ZCCHC2: variants seen among roughly 807,000 people sequenced by gnomAD.
ZCCHC2 encodes the protein zinc finger CCHC domain-containing protein 2.
ZCCHC2 carries 39 observed loss-of-function variants against 103.6 expected under a neutral mutation model. The ratio of observed to expected loss-of-function variants is 0.38; its 90% CI spans 0.29 to 0.49. The LOEUF is 0.49. ZCCHC2 is among the 20% of genes least tolerant of loss of function. The pLI is 0.96. For synonymous variants in ZCCHC2, 687 were observed against 608.9 expected (o/e 1.13, Z -1.89); for missense variants, 1,483 against 1,491.0 (o/e 0.99, Z 0.09).
intron 1 of ZCCHC2, among the ~76,000 whole-genome samples, chr18:62,534,497 T>C (rs1328637110): frequency 6.6e-6 from 1 of 152,198 alleles, no homozygotes; most frequent in Non-Finnish European, 1.5e-5. Context: ...ATCTCCAGTT[T>C]ATGATCTACT....
intron 1 of ZCCHC2, among the ~76,000 whole-genome samples, chr18:62,535,446 G>A (rs554985732): frequency 1.3e-5 from 2 of 152,286 alleles, no homozygotes; most frequent in African/African-American, 4.8e-5. Context: ...GTAAAACAAT[G>A]ACCATTTTAT....
intron 1 of ZCCHC2, among the ~76,000 whole-genome samples, chr18:62,532,451 C>T (rs1914725745): frequency 6.6e-6 from 1 of 152,202 alleles, no homozygotes; most frequent in Non-Finnish European, 1.5e-5. Context: ...AATACTACTA[C>T]CAGATACACC....
intron 8 of ZCCHC2, 83 bp downstream of exon 8, chr18:62,560,727 T>A (rs1916082023): frequency 8.9e-6 from 10 of 1,124,166 alleles, no homozygotes; most frequent in Non-Finnish European, 1.2e-5. Flanking sequence ...CTGATGTATT[T>A]GGCTATAATT....
intron 12 of ZCCHC2, among the ~76,000 whole-genome samples, chr18:62,570,882 T>G (rs1455924016): frequency 1.3e-5 from 2 of 152,242 alleles, no homozygotes; most frequent in African/African-American, 4.8e-5. Context: ...TCTCTGTGTA[T>G]TATGTCTTCA....
chr18:62,539,943 A>G (rs1289410534), intron 2 of ZCCHC2, among the ~76,000 whole-genome samples, 151 bp downstream of exon 2: 1 of 152,116 alleles, frequency 6.6e-6, no homozygotes, highest in African/African-American at 2.4e-5. Context: ...CAGTCCTCCT[A>G]GTTCTGCCAT....
chr18:62,563,194 T>TAAAAA, intron 9 of ZCCHC2, 50 bp downstream of exon 9: 1 of 1,560,230 alleles, frequency 6.4e-7, no homozygotes, highest in Admixed American at 1.9e-5. Flanking sequence ...ATTGCTCCTC[T>TAAAAA]ATAAGAAAAA....
Position 62,524,096 on chromosome 18 carries a change from C to G in ZCCHC2, c.672C>G (p.Asp224Glu), listed in dbSNP as rs1318979882. 2 of 1,518,972 alleles carry G rather than the reference C, an allele frequency of 1.3e-6. No homozygotes were observed. The highest frequency in any genetic ancestry group is 1.8e-6 in the Non-Finnish European group (2 of 1,138,974). The allele number at this position is 1,518,972 out of a possible 1,614,324, so 94.1% of individuals were successfully genotyped here. Residue 224 changes from aspartate (D) to glutamate (E), a missense_variant, in exon 1 of 14, where the codon GAC becomes GAG. Physicochemically the swap from Asp to Glu is conservative, Grantham distance 45. Around this residue, in one of 3 missense-constraint regions of ZCCHC2, gnomAD observed 568 missense variants for 525.1 expected, o/e 1.08. Transcript: ENST00000269499. ...RGGAEDERGEDGDGEQDAEKD... is the reference protein window; with the variant it reads ...RGGAEDERGEEGDGEQDAEKD... Reference sequence around the variant, plus strand: ...GCGCGGAGGACGAGCGCGGCGAGGACGGCGACGGCGAGCAGGACGCCGAGA... The same window carrying G: ...GCGCGGAGGACGAGCGCGGCGAGGAGGGCGACGGCGAGCAGGACGCCGAGA...
chr18:62,542,036 G>A (rs1915212543), intron 2 of ZCCHC2, among the ~76,000 whole-genome samples: 1 of 151,900 alleles, frequency 6.6e-6, no homozygotes, highest in Admixed American at 6.6e-5. Flanking sequence ...CTTTTGAGTA[G>A]TTTTTTAAAA....
At position 62,550,429 on chromosome 18, in the gene ZCCHC2, C is replaced by T. The variant is rs376826033; in HGVS notation, c.1282C>T (p.Arg428Trp). ...LNQGSLKREE[R>W]RHPDLEPILR... ...TCAGGGTTCCTTGAAAAGGGAGGAACGGCGACATCCTGACCTAGAGCCCAT... is the reference window on the plus strand; with the variant it reads ...TCAGGGTTCCTTGAAAAGGGAGGAATGGCGACATCCTGACCTAGAGCCCAT... The change falls in exon 5 of 14, where the codon CGG becomes TGG. Residue 428 changes from arginine to tryptophan, a missense_variant. Arg to Trp is a moderately radical substitution (Grantham distance 101). Transcript: ENST00000269499. The T allele has an allele frequency of 1.8e-4, 297 of 1,613,428 alleles. No individual in the cohort carries two copies. Among genetic ancestry groups the T allele is most frequent in the Non-Finnish European group, 1.4e-4 (164 of 1,179,706 alleles).
intron 1 of ZCCHC2, among the ~76,000 whole-genome samples, chr18:62,527,613 C>T (rs1914492493): frequency 6.6e-6 from 1 of 152,150 alleles, no homozygotes; most frequent in Non-Finnish European, 1.5e-5. Flanking sequence ...TCACATTCCT[C>T]ACACAACTGC....
At chr18:62,524,495 T>TGG in intron 1 of ZCCHC2, 132 bp downstream of exon 1, 1 of 1,341,344 alleles carries the variant, frequency 7.5e-7, no homozygotes, top group South Asian at 1.6e-5. Flanking sequence ...ACCCGGCAGC[T>TGG]CCCAGCGCCA....
chr18:62,524,181 T>C lies in ZCCHC2; in HGVS notation c.757T>C (p.Ser253Pro). 5.8e-6 allele frequency: 9 copies of C among 1,548,252 alleles called. No individual in the cohort carries two copies. Among genetic ancestry groups the C allele is most frequent in the Non-Finnish European group, 7.9e-6 (9 of 1,146,264 alleles). Residue 253 changes from serine (S) to proline (P), a missense_variant, in exon 1 of 14, where the codon TCC becomes CCC. Physicochemically the swap from Ser to Pro is moderately conservative, Grantham distance 74 (BLOSUM62 -1). This residue lies in a region of ZCCHC2 where 568 missense variants were observed against 525.1 expected (regional missense o/e 1.08). Transcript: ENST00000269499. ...VEPRVGGGLG[S>P]RAQEELLLLF... ...GCCCCGGGTCGGCGGCGGGCTTGGCTCCAGGGCCCAGGAGGAACTGCTGCT... is the reference window on the plus strand; with the variant it reads ...GCCCCGGGTCGGCGGCGGGCTTGGCCCCAGGGCCCAGGAGGAACTGCTGCT...
intron 13 of ZCCHC2, among the ~76,000 whole-genome samples, chr18:62,575,970 C>A (rs1916825393): frequency 1.3e-5 from 2 of 151,250 alleles, no homozygotes; most frequent in Admixed American, 6.6e-5. Flanking sequence ...AGTATATCTG[C>A]ATAACCAGCT....
intron 6 of ZCCHC2, among the ~76,000 whole-genome samples, chr18:62,557,845 G>A (rs1915960432): frequency 6.6e-6 from 1 of 152,192 alleles, no homozygotes; most frequent in Non-Finnish European, 1.5e-5. Flanking sequence ...TAAATTACAT[G>A]AGCAGTGCTA....
rs1261052645 is a variant in ZCCHC2 at position 62,558,697 on chromosome 18, A to G, written c.1419A>G (p.Gln473=). Residue 473 remains glutamine, a synonymous_variant, in exon 7 of 14, where the codon CAA becomes CAG. Coordinates refer to ENST00000269499, the MANE Select transcript of ZCCHC2 (RefSeq NM_017742.6). The stretch of plus-strand genomic sequence containing the variant: ...GAATGCTTCCTGCAGATAACTTACA[A>G]TCCTCTCTGAAGACTTCTAAGATAT... ...SDSLHSINNL[Q]SSLKTSKILE... is the part of the protein sequence containing the mutation. 7.2e-6 allele frequency: 11 copies of G among 1,526,972 alleles called. No individual in the cohort carries two copies. The South Asian group carries it at 8.9e-5, about 12-fold the overall frequency. The allele number at this position is 1,526,972 out of a possible 1,614,324, so 94.6% of individuals were successfully genotyped here.
downstream of ZCCHC2, among the ~76,000 whole-genome samples, chr18:62,579,574 G>A (rs1386298460): frequency 3.3e-5 from 5 of 152,106 alleles, no homozygotes; most frequent in Non-Finnish European, 7.3e-5. Flanking sequence ...ACCAACTTTC[G>A]TTTTCAGCCA....
chr18:62,567,525 C>G (rs1393640553), intron 11 of ZCCHC2, among the ~76,000 whole-genome samples: 1 of 152,206 alleles, frequency 6.6e-6, no homozygotes, highest in East Asian at 1.9e-4. Context: ...TGTGCTGGCT[C>G]CTGCCAGGAC....
Position 62,523,370 on chromosome 18 carries a change from C to A in ZCCHC2, c.-55C>A. The A allele has an allele frequency of 9.9e-7, 1 of 1,014,666 alleles. No homozygotes were observed. The highest frequency in any genetic ancestry group is 1.2e-6 in the Non-Finnish European group (1 of 850,514). The allele number at this position is 1,014,666 out of a possible 1,614,324, so 62.9% of individuals were successfully genotyped here. A position where few individuals can be genotyped will look rare whatever the true frequency, so the allele number is the denominator to read the frequency against. ...GCCGCCGCCTCGGCCCGTGCTCCAC[C>A]TCGCGGCCCCTCCCGCCCGCCCCCG... is the stretch of plus-strand genomic sequence containing the variant. On this transcript the variant is annotated 5_prime_UTR_variant, in exon 1 of 14. Transcript: ENST00000269499.
chr18:62,527,310 C>T (rs1479574822), intron 1 of ZCCHC2, among the ~76,000 whole-genome samples: 3 of 152,072 alleles, frequency 2.0e-5, no homozygotes, highest in African/African-American at 4.8e-5. Context: ...CAGAACATGT[C>T]TTTAATGCCA....
Sources: gnomAD v4.1 joint callset for allele counts (sites outside exome capture counted in the v4.1 genomes callset) on GRCh38, gnomAD v4.1.1 for gene constraint, gnomAD v4.1.1 regional missense constraint, MANE v1.5 for transcripts, NCBI Gene and HGNC (gene_info 2026-07-23, HGNC 2026-07-21) for gene names.